The following BNC2 variants were observed in gnomAD, a reference collection of about 807,000 sequenced individuals.
BNC2 encodes the protein basonuclin zinc finger protein 2.
Under a neutral mutation model 76.3 loss-of-function variants are expected in BNC2, and 20 were observed. That is an observed-to-expected ratio of 0.26 (90% CI 0.18 to 0.38). The LOEUF is 0.38. BNC2 is among the 10% of genes least tolerant of loss of function. The pLI is 1.00. For synonymous variants in BNC2, 582 were observed against 514.8 expected, an observed-to-expected ratio of 1.13 and a Z score of -1.77; for missense variants, 1,382 against 1,399.8, an observed-to-expected ratio of 0.99 and a Z score of 0.20.
At chr9:16,585,301 A>G (rs1332890519) in intron 3 of BNC2, among the ~76,000 whole-genome samples, 1 of 152,140 alleles carries the variant, frequency 6.6e-6, no homozygotes, top group Non-Finnish European at 1.5e-5. Flanking sequence ...GTCTTCCTAA[A>G]TAACTTTACA....
chr9:16,536,058 A>T lies in BNC2; in HGVS notation c.669+16472T>A, dbSNP rs867488393. Among the ~76,000 whole-genome samples the T allele has an allele frequency of 4.6e-5, 7 of 152,246 alleles. No individual in the cohort carries two copies. In the South Asian group the frequency reaches 1.4e-3, roughly 32 times the overall value. On this transcript the variant is annotated intron_variant, in intron 5 of 6. Transcript: ENST00000380672. ...AGGTCAACATGCCAGCTCACTGCAG[A>T]TATGCCCAGCTGACCCACAGACTTG...
intron 3 of BNC2, among the ~76,000 whole-genome samples, chr9:16,606,195 G>A (rs1820378419): frequency 6.6e-6 from 1 of 152,030 alleles, no homozygotes; most frequent in African/African-American, 2.4e-5. Flanking sequence ...TTAGAACAAT[G>A]ACTTAATTCA....
intron 3 of BNC2, among the ~76,000 whole-genome samples, chr9:16,640,517 A>G (rs762117853): frequency 6.4e-4 from 98 of 152,368 alleles, no homozygotes; most frequent in Non-Finnish European, 1.4e-3. Flanking sequence ...CAAAGAAAGC[A>G]GAGAGTCCTC....
intron 5 of BNC2, among the ~76,000 whole-genome samples, chr9:16,507,320 A>C (rs1448780122): frequency 7.7e-6 from 1 of 129,262 alleles, no homozygotes; most frequent in African/African-American, 3.1e-5. Flanking sequence ...TGTGGAGTGC[A>C]GTGGCTTGAT....
chr9:16,663,854 A>G (rs1822186367), intron 3 of BNC2, among the ~76,000 whole-genome samples: 1 of 152,218 alleles, frequency 6.6e-6, no homozygotes, highest in African/African-American at 2.4e-5. Context: ...TTTTGCCTTA[A>G]TAAGTAATTT....
In BNC2 at chr9:16,651,247, A is replaced by G. The variant is rs563361267; in HGVS notation, c.331-68162T>C. Among the ~76,000 whole-genome samples, 6 of 152,338 alleles carry G rather than the reference A, an allele frequency of 3.9e-5. No homozygotes were observed. In the East Asian group the frequency reaches 9.6e-4, roughly 24 times the overall value. ...CTATCAGGTAGATATTACATCATGT[A>G]TATTTCAAAATGAGAATCTGTTTAT... is the stretch of plus-strand genomic sequence containing the variant. On this transcript the variant is annotated intron_variant, in intron 3 of 6. Transcript: ENST00000380672.
intron 3 of BNC2, among the ~76,000 whole-genome samples, chr9:16,633,889 A>G (rs1297323498): frequency 1.3e-5 from 2 of 152,232 alleles, no homozygotes; most frequent in East Asian, 3.8e-4. Flanking sequence ...TCAGAATTTC[A>G]GTGGGTGCCA....
chr9:16,582,800 A>G (rs1469014321), intron 4 of BNC2, among the ~76,000 whole-genome samples, 183 bp downstream of exon 4: 1 of 152,006 alleles, frequency 6.6e-6, no homozygotes, highest in East Asian at 1.9e-4. Flanking sequence ...GGAGCTGAGA[A>G]TATGCTGTTT....
At chr9:16,507,142 C>A (rs1158522473) in intron 5 of BNC2, among the ~76,000 whole-genome samples, 2 of 151,736 alleles carry the variant, frequency 1.3e-5, no homozygotes, top group Non-Finnish European at 2.9e-5. Flanking sequence ...TATATCTAGA[C>A]ATCTCATATT....
At chr9:16,441,848 A>T (rs1821135441) in intron 5 of BNC2, among the ~76,000 whole-genome samples, 1 of 152,240 alleles carries the variant, frequency 6.6e-6, no homozygotes. Context: ...AAACTTTACA[A>T]AAGTAAATTG....
rs1231373040 is a variant in BNC2 at position 16,413,839 on chromosome 9, AG to A, written c.*5149del. 6.6e-6 allele frequency: 1 copy of A among 152,198 alleles called. No individual in the cohort carries two copies. The highest frequency in any genetic ancestry group is 1.5e-5 in the Non-Finnish European group (1 of 68,042). 9.4% of individuals were successfully genotyped at this position (152,198 alleles called of 1,614,324 possible). A position where few individuals can be genotyped will look rare whatever the true frequency, so the allele number is the denominator to read the frequency against. ...AGTAAATGAGCTCCCATTTTGATCA[AG>A]GTCTTTAGCCTAGTATTAATTACAA... is the stretch of plus-strand genomic sequence containing the variant. On this transcript the variant is annotated 3_prime_UTR_variant, in exon 7 of 7. Transcript: ENST00000380672.
intron 3 of BNC2, among the ~76,000 whole-genome samples, chr9:16,600,810 T>C (rs1003605195): frequency 1.3e-5 from 2 of 152,176 alleles, no homozygotes; most frequent in Admixed American, 1.3e-4. Flanking sequence ...AGTTTGTGTA[T>C]GAAGGAATTA....
intron 1 of BNC2, among the ~76,000 whole-genome samples, chr9:16,811,826 T>C (rs80305262): frequency 0.016 from 2,432 of 152,228 alleles, 77 homozygotes; most frequent in African/African-American, 0.055. Flanking sequence ...CAGTAAAACA[T>C]TGGTGGGCCT....
intron 3 of BNC2, among the ~76,000 whole-genome samples, chr9:16,678,644 GTC>G (rs1277741317): frequency 6.9e-4 from 102 of 148,440 alleles, no homozygotes; most frequent in African/African-American, 2.5e-3. Context: ...AACAGTAACA[GTC>G]TCTTTTTTTT....
chr9:16,777,273 G>A (rs1439718131), intron 1 of BNC2, among the ~76,000 whole-genome samples: 1 of 152,144 alleles, frequency 6.6e-6, no homozygotes, highest in Non-Finnish European at 1.5e-5. Flanking sequence ...TAGAAAACTA[G>A]TACCAGATGA....
intron 3 of BNC2, among the ~76,000 whole-genome samples, chr9:16,595,285 T>C (rs1157700202): frequency 6.6e-6 from 1 of 152,172 alleles, no homozygotes; most frequent in Non-Finnish European, 1.5e-5. Flanking sequence ...TCTCTGATTA[T>C]AAAAGAATAT....
chr9:16,563,738 C>A (rs1314143193), intron 4 of BNC2, among the ~76,000 whole-genome samples: 1 of 152,148 alleles, frequency 6.6e-6, no homozygotes, highest in East Asian at 1.9e-4. Flanking sequence ...GGGACTAGAA[C>A]TGATAGTGTA....
chr9:16,839,687 C>T (rs747371770), intron 1 of BNC2, among the ~76,000 whole-genome samples: 4 of 152,166 alleles, frequency 2.6e-5, no homozygotes, highest in Non-Finnish European at 5.9e-5. Flanking sequence ...GCACGTAATT[C>T]TCTCCCAAAA....
At chr9:16,424,423 ATAAT>A (rs1563776686) in intron 6 of BNC2, among the ~76,000 whole-genome samples, 1 of 152,222 alleles carries the variant, frequency 6.6e-6, no homozygotes, top group African/African-American at 2.4e-5. Flanking sequence ...AAAATACTTA[ATAAT>A]TAATTAGAAT....
Sources: allele counts gnomAD v4.1 joint callset (sites outside exome capture counted in the v4.1 genomes callset), GRCh38; gene constraint gnomAD v4.1.1; transcripts MANE v1.5; gene names NCBI Gene and HGNC (gene_info 2026-07-23, HGNC 2026-07-21).